The following IQCH variants were observed in gnomAD, a reference collection of about 807,000 sequenced individuals.
The protein encoded by IQCH is IQ motif containing H, also known as IQ domain-containing protein H.
Under a neutral mutation model 117.0 loss-of-function variants are expected in IQCH, and 98 were observed. The observed-to-expected ratio is 0.84, with a 90% confidence interval of 0.71 to 0.99. The LOEUF (loss-of-function observed/expected upper bound fraction) is 0.99. Ranked by LOEUF, IQCH falls within the 50% of genes least tolerant of loss-of-function variation. The pLI, the probability that IQCH is intolerant of heterozygous loss-of-function variation, is 0.00. For synonymous variants in IQCH, 412 were observed against 448.2 expected (o/e 0.92, Z 1.02); for missense variants, 1,102 against 1,243.8 (o/e 0.89, Z 1.72).
intron 4 of IQCH, among the ~76,000 whole-genome samples, chr15:67,336,404 A>T (rs1164462918): frequency 6.6e-6 from 1 of 152,184 alleles, no homozygotes; most frequent in Non-Finnish European, 1.5e-5. Context: ...AATAGAAACA[A>T]TTCATATTTT....
chr15:67,367,657 G>C (rs948142290), intron 8 of IQCH, among the ~76,000 whole-genome samples: 5 of 152,098 alleles, frequency 3.3e-5, no homozygotes, highest in African/African-American at 4.8e-5. Context: ...GCAAAGCTTA[G>C]TAAGGAGCCA....
intron 16 of IQCH, among the ~76,000 whole-genome samples, chr15:67,450,929 G>A (rs2082508283): frequency 1.3e-5 from 2 of 152,106 alleles, no homozygotes; most frequent in South Asian, 2.1e-4. Flanking sequence ...CAGAGATTCA[G>A]CTTCTTCCTG....
chr15:67,356,792 C>G lies in IQCH; in HGVS notation c.638-553C>G, dbSNP rs1969903540. Among the ~76,000 whole-genome samples, 1 of 152,130 alleles carries G rather than the reference C, an allele frequency of 6.6e-6. No individual in the cohort carries two copies. The highest frequency in any genetic ancestry group is 2.4e-5 in the African/African-American group (1 of 41,412). On this transcript the variant is annotated intron_variant, in intron 6 of 20. Coordinates refer to ENST00000335894, the MANE Select transcript of IQCH (RefSeq NM_001031715.3). This position sits in a 1 kb window ranked among gnomAD's most constrained non-coding sequence, Gnocchi z 5.3. Reference sequence around the variant, plus strand: ...GAGAGCATTATCTAGCATGTGGGCCCATTCTTCCTCGACCATGGGCTAGGT... The same window carrying G: ...GAGAGCATTATCTAGCATGTGGGCCGATTCTTCCTCGACCATGGGCTAGGT...
rs978936133 is a variant in IQCH at position 67,354,181 on chromosome 15, C to T, written c.638-3164C>T. Among the ~76,000 whole-genome samples, 5 of 152,088 alleles carry T rather than the reference C, an allele frequency of 3.3e-5. No homozygotes were observed. In the East Asian group the frequency reaches 7.7e-4, roughly 23 times the overall value. On this transcript the variant is annotated intron_variant, in intron 6 of 20. Transcript: ENST00000335894. ...AAAGCACAGTACAAGAAAAAATATA[C>T]ATAGATCAATCTTATTTAGGAACAT...
chr15:67,290,819 A>C (rs1966724755), intron 4 of IQCH, among the ~76,000 whole-genome samples: 2 of 152,198 alleles, frequency 1.3e-5, no homozygotes. Context: ...TCTGGAATGC[A>C]GAGATATATA....
In IQCH at chr15:67,490,462, T is replaced by C. The variant is rs1395502979; in HGVS notation, c.2861+398T>C. On this transcript the variant is annotated intron_variant, in intron 19 of 20. Transcript: ENST00000335894. The surrounding 1 kb of genome is among the most constrained non-coding windows in gnomAD (Gnocchi z 4.9). Reference sequence around the variant, plus strand: ...CTCGTGATGCACCCACCTGGGCCTCTCAAAGTGCTGGGATTACAGGCCTGA... The same window carrying C: ...CTCGTGATGCACCCACCTGGGCCTCCCAAAGTGCTGGGATTACAGGCCTGA... 2.0e-5 allele frequency among the ~76,000 whole-genome samples: 3 copies of C among 152,102 alleles called. No homozygotes were observed. Among genetic ancestry groups the C allele is most frequent in the African/African-American group, 7.2e-5 (3 of 41,410 alleles).
rs1187626865 is a variant in IQCH at position 67,475,215 on chromosome 15, G to A, written c.2677-481G>A. 6.6e-6 allele frequency among the ~76,000 whole-genome samples: 1 copy of A among 152,154 alleles called. No homozygotes were observed. The highest frequency in any genetic ancestry group is 2.4e-5 in the African/African-American group (1 of 41,438). On this transcript the variant is annotated intron_variant, in intron 17 of 20. Coordinates refer to ENST00000335894, the MANE Select transcript of IQCH (RefSeq NM_001031715.3). This position sits in a 1 kb window ranked among gnomAD's most constrained non-coding sequence, Gnocchi z 5.7. ...TGTAGGGCCAGGTGTGGTGGCTCACGCCGGTAATTCCAGCATTTTGGGAGG... is the reference window on the plus strand; with the variant it reads ...TGTAGGGCCAGGTGTGGTGGCTCACACCGGTAATTCCAGCATTTTGGGAGG...
intron 16 of IQCH, 104 bp downstream of exon 16, chr15:67,421,681 T>G (rs1421715017): frequency 1.7e-6 from 2 of 1,145,884 alleles, no homozygotes; most frequent in Non-Finnish European, 2.5e-6. Context: ...TAAAATGCAC[T>G]GATTCTCTGA....
At chr15:67,329,141 A>G (rs1223326212) in intron 4 of IQCH, among the ~76,000 whole-genome samples, 1 of 152,092 alleles carries the variant, frequency 6.6e-6, no homozygotes, top group Non-Finnish European at 1.5e-5. Context: ...TCTACACAAA[A>G]TACAAAAATT....
rs138533377 is a variant in IQCH, at chr15:67,353,520, C to T, written c.638-3825C>T. 6.7e-3 allele frequency among the ~76,000 whole-genome samples: 1,019 copies of T among 151,984 alleles called. 11 individuals carry two copies. Among genetic ancestry groups the T allele is most frequent in the African/African-American group, 0.023 (972 of 41,458 alleles). Reference sequence around the variant, plus strand: ...GACTACAGGTGCGCGCCACCACGCCCGGCTAATTTTTTGTATTTTAGTAGA... The same window carrying T: ...GACTACAGGTGCGCGCCACCACGCCTGGCTAATTTTTTGTATTTTAGTAGA... On this transcript the variant is annotated intron_variant, in intron 6 of 20. Coordinates refer to ENST00000335894, the MANE Select transcript of IQCH (RefSeq NM_001031715.3).
chr15:67,279,424 C>A lies in IQCH; in HGVS notation c.299C>A (p.Ser100Ter). Residue 100 changes from serine (S) to a stop codon, truncating the protein, a stop_gained, in exon 4 of 21, where the codon TCA becomes TAA. Transcript: ENST00000335894. LOFTEE classifies it high-confidence loss of function. ...CTTCCAACTGTAATTGATCAGAAAT[C>A]ATTTATTTTCCCTCAGGAATCTGAG... ...WLLPTVIDQK[S>*]FIFPQESEGT... 2 of 1,604,212 alleles carry A rather than the reference C, an allele frequency of 1.2e-6. No individual in the cohort carries two copies. The highest frequency in any genetic ancestry group is 1.7e-6 in the Non-Finnish European group (2 of 1,172,644).
chr15:67,469,857 G>A (rs1435185377), intron 17 of IQCH, among the ~76,000 whole-genome samples: 1 of 152,222 alleles, frequency 6.6e-6, no homozygotes, highest in Non-Finnish European at 1.5e-5. Context: ...AGGCAAGCAA[G>A]TAGGGAAGCC....
intron 4 of IQCH, among the ~76,000 whole-genome samples, chr15:67,294,161 A>G (rs1042155258): frequency 2.0e-5 from 3 of 152,182 alleles, no homozygotes; most frequent in Non-Finnish European, 4.4e-5. Flanking sequence ...CTAGACTGCC[A>G]GCTCACATAT....
rs80331770 is a variant in IQCH, at chr15:67,405,343, A to C, written c.2097+5038A>C. ...AACACTGAGATTAAGCATTTTGTAG[A>C]TCTATGAATGCACTGTTAAGGTGTT... On this transcript the variant is annotated intron_variant, in intron 14 of 20. Coordinates refer to ENST00000335894, the MANE Select transcript of IQCH (RefSeq NM_001031715.3). The surrounding 1 kb of genome is among the most constrained non-coding windows in gnomAD (Gnocchi z 4.8). 6.6e-6 allele frequency: 1 copy of C among 152,498 alleles called. No individual in the cohort carries two copies. Among genetic ancestry groups the C allele is most frequent in the African/African-American group, 2.4e-5 (1 of 41,552 alleles). 9.4% of individuals were successfully genotyped at this position (152,498 alleles called of 1,614,324 possible).
Position 67,421,546 on chromosome 15 carries a change from CT to C in IQCH, c.2478del (p.Phe826LeufsTer2). 1 of 1,614,188 alleles carries C rather than the reference CT, an allele frequency of 6.2e-7. No homozygotes were observed. Among genetic ancestry groups the C allele is most frequent in the Non-Finnish European group, 8.5e-7 (1 of 1,180,020 alleles). On this transcript the variant is annotated frameshift_variant, in exon 16 of 21. Coordinates refer to ENST00000335894, the MANE Select transcript of IQCH (RefSeq NM_001031715.3). LOFTEE classifies it high-confidence loss of function. ...GGTTACTTTTCGATAGATCTGGTGA[CT>C]TTTATAGATCCAAGCACCTTGGAAC... ...VVGYFSIDLVTFIDPSTLEQQ... is the reference protein window; with the variant it reads ...VVGYFSIDLVXFIDPSTLEQQ...
At chr15:67,488,404 A>G (rs1393082050) in intron 18 of IQCH, among the ~76,000 whole-genome samples, 2 of 152,226 alleles carry the variant, frequency 1.3e-5, no homozygotes, top group African/African-American at 4.8e-5. Context: ...ATCTTTATAG[A>G]TCAGGAATAT....
At chr15:67,484,989 G>A (rs1818216126) in intron 18 of IQCH, among the ~76,000 whole-genome samples, 1 of 151,836 alleles carries the variant, frequency 6.6e-6, no homozygotes, top group African/African-American at 2.4e-5. Context: ...TCATATATTG[G>A]AGTTATGAGA....
At chr15:67,477,485 A>G (rs2083234665) in intron 18 of IQCH, among the ~76,000 whole-genome samples, 1 of 152,192 alleles carries the variant, frequency 6.6e-6, no homozygotes, top group Admixed American at 6.5e-5. Context: ...GGTTAGATGA[A>G]TTCGTGCTGT....
At chr15:67,477,489 G>T (rs943256820) in intron 18 of IQCH, among the ~76,000 whole-genome samples, 11 of 152,136 alleles carry the variant, frequency 7.2e-5, no homozygotes, top group African/African-American at 2.4e-4. Context: ...AGATGAATTC[G>T]TGCTGTTTGC....
Sources: gnomAD v4.1 joint callset for allele counts (sites outside exome capture counted in the v4.1 genomes callset) on GRCh38, gnomAD v4.1.1 for gene constraint, Gnocchi (gnomAD v3.1) non-coding constraint, MANE v1.5 for transcripts, NCBI Gene and HGNC (gene_info 2026-07-23, HGNC 2026-07-21) for gene names.